Variants in GRIN3A observed in about 807,000 individuals in gnomAD.
GRIN3A encodes the protein glutamate receptor ionotropic, NMDA 3A.
Under a neutral mutation model 92.4 loss-of-function variants are expected in GRIN3A, and 47 were observed. That is an observed-to-expected ratio of 0.51 (90% CI 0.40 to 0.65). The LOEUF (loss-of-function observed/expected upper bound fraction) is 0.65. Among genes scored for constraint, GRIN3A ranks in the 30% least tolerant of loss-of-function variants. GRIN3A has a pLI of 0.00. For synonymous variants in GRIN3A, 527 were observed against 540.6 expected, an observed-to-expected ratio of 0.97 and a Z score of 0.35; for missense variants, 1,324 against 1,393.1, an observed-to-expected ratio of 0.95 and a Z score of 0.79.
intron 6 of GRIN3A, among the ~76,000 whole-genome samples, chr9:101,597,536 T>C (rs1023909950): frequency 6.6e-6 from 1 of 152,196 alleles, no homozygotes; most frequent in Non-Finnish European, 1.5e-5. Flanking sequence ...CACTAGCTCA[T>C]TCATTAGTGC....
At chr9:101,733,285 C>A (rs770218579) in intron 1 of GRIN3A, among the ~76,000 whole-genome samples, 3 of 152,142 alleles carry the variant, frequency 2.0e-5, no homozygotes, top group Non-Finnish European at 4.4e-5. Flanking sequence ...ATAAATGGTG[C>A]CTGCTAGTCT....
At chr9:101,587,329 C>G (rs953820987) in intron 6 of GRIN3A, among the ~76,000 whole-genome samples, 2 of 149,542 alleles carry the variant, frequency 1.3e-5, no homozygotes, top group African/African-American at 4.9e-5. Flanking sequence ...AAAAAAAAAT[C>G]TGTTGCTTGC....
chr9:101,670,914 C>T lies in GRIN3A; in HGVS notation c.1498G>A (p.Ala500Thr), dbSNP rs750665911. The change falls in exon 3 of 9, where the codon GCC becomes ACC. Residue 500 changes from alanine (A) to threonine (T), a missense_variant. Coordinates refer to ENST00000361820, the MANE Select transcript of GRIN3A (RefSeq NM_133445.3). ...VMDYGIWPEQ[A>T]QRHKTHFQHP... ...TGGAAGTGGGTTTTGTGTCTCTGGG[C>T]CTGCTCTGGCCATATTCCATAGTCC... 2 of 1,613,140 alleles carry T rather than the reference C, an allele frequency of 1.2e-6. No homozygotes were observed. The highest frequency in any genetic ancestry group is 1.1e-5 in the South Asian group (1 of 91,044).
At chr9:101,734,853 G>C (rs956781948) in intron 1 of GRIN3A, among the ~76,000 whole-genome samples, 2 of 151,942 alleles carry the variant, frequency 1.3e-5, no homozygotes, top group Non-Finnish European at 2.9e-5. Context: ...TTTATTCAGG[G>C]AGTGGCACAC....
chr9:101,730,002 A>G (rs1830120080), intron 1 of GRIN3A, among the ~76,000 whole-genome samples: 1 of 152,196 alleles, frequency 6.6e-6, no homozygotes, highest in Admixed American at 6.5e-5. Context: ...GAGAAGTTAT[A>G]GCAATAGTTA....
intron 3 of GRIN3A, among the ~76,000 whole-genome samples, chr9:101,667,132 T>C (rs1173743403): frequency 6.6e-6 from 1 of 152,014 alleles, no homozygotes; most frequent in African/African-American, 2.4e-5. Context: ...CTAAATTAGA[T>C]TCCTCATATC....
intron 1 of GRIN3A, among the ~76,000 whole-genome samples, chr9:101,710,962 G>C (rs1188647901): frequency 6.6e-6 from 1 of 152,092 alleles, no homozygotes; most frequent in Admixed American, 6.6e-5. Flanking sequence ...TAATTGAAGA[G>C]ATTAATAACA....
chr9:101,625,851 A>G (rs1199002979), intron 4 of GRIN3A, among the ~76,000 whole-genome samples: 1 of 152,248 alleles, frequency 6.6e-6, no homozygotes, highest in African/African-American at 2.4e-5. Flanking sequence ...ACTTGCCAAT[A>G]TTCCACAAAT....
At chr9:101,677,056 G>T (rs1158806490) in intron 2 of GRIN3A, among the ~76,000 whole-genome samples, 1 of 150,226 alleles carries the variant, frequency 6.7e-6, no homozygotes, top group Non-Finnish European at 1.5e-5. Context: ...TCATTCAAGA[G>T]CCCTAAGCTA....
At chr9:101,649,510 G>A (rs774385251) in intron 3 of GRIN3A, among the ~76,000 whole-genome samples, 28 of 152,054 alleles carry the variant, frequency 1.8e-4, no homozygotes, top group Non-Finnish European at 3.1e-4. Context: ...ATGAATCTAC[G>A]CCTCCAATTC....
intron 1 of GRIN3A, among the ~76,000 whole-genome samples, chr9:101,712,220 C>T (rs993298188): frequency 6.6e-6 from 1 of 152,186 alleles, no homozygotes; most frequent in African/African-American, 2.4e-5. Context: ...AAATTTCACT[C>T]TTCAAATAAC....
chr9:101,621,295 A>C (rs899537329), intron 5 of GRIN3A, among the ~76,000 whole-genome samples: 1 of 151,934 alleles, frequency 6.6e-6, no homozygotes, highest in Non-Finnish European at 1.5e-5. Context: ...AAAAAAAAAA[A>C]AAACAATTTG....
intron 4 of GRIN3A, among the ~76,000 whole-genome samples, chr9:101,627,554 G>A (rs1228266778): frequency 2.0e-5 from 3 of 152,152 alleles, no homozygotes; most frequent in Non-Finnish European, 2.9e-5. Flanking sequence ...CATCGAGCAG[G>A]AGGGAGAGGA....
At chr9:101,585,277 A>G (rs968422623) in intron 6 of GRIN3A, among the ~76,000 whole-genome samples, 8 of 152,026 alleles carry the variant, frequency 5.3e-5, no homozygotes, top group Admixed American at 4.6e-4. Flanking sequence ...TCTTTGTTGT[A>G]CCTTAGTCTC....
At chr9:101,736,138 G>A (rs926072400) in intron 1 of GRIN3A, among the ~76,000 whole-genome samples, 1 of 152,178 alleles carries the variant, frequency 6.6e-6, no homozygotes, top group East Asian at 1.9e-4. Flanking sequence ...CCAGCTGCAA[G>A]AGTTGAGTGA....
In GRIN3A at chr9:101,627,923, T is replaced by A. The variant is rs1203014620; in HGVS notation, c.2498+333A>T. ...CTTTATCCTCTGGCCATATTCCCTGTGTGTTTGACTATTTCAGCACCATTG... is the reference window on the plus strand; with the variant it reads ...CTTTATCCTCTGGCCATATTCCCTGAGTGTTTGACTATTTCAGCACCATTG... On this transcript the variant is annotated intron_variant, in intron 4 of 8. Coordinates refer to ENST00000361820, the MANE Select transcript of GRIN3A (RefSeq NM_133445.3). Among the ~76,000 whole-genome samples the A allele has an allele frequency of 2.6e-5, 4 of 152,320 alleles. No individual in the cohort carries two copies. The East Asian group carries it at 7.7e-4, about 29-fold the overall frequency.
chr9:101,715,340 A>T (rs960586677), intron 1 of GRIN3A, among the ~76,000 whole-genome samples: 2 of 152,182 alleles, frequency 1.3e-5, no homozygotes, highest in African/African-American at 4.8e-5. Context: ...GCCATATTAA[A>T]TGAAATAATC....
chr9:101,690,263 A>G (rs1275678960), intron 1 of GRIN3A, among the ~76,000 whole-genome samples: 2 of 152,196 alleles, frequency 1.3e-5, no homozygotes, highest in East Asian at 1.9e-4. Flanking sequence ...ACACAAAACC[A>G]TATATGTCAA....
intron 7 of GRIN3A, among the ~76,000 whole-genome samples, chr9:101,578,789 G>A (rs1827856773): frequency 6.6e-6 from 1 of 152,160 alleles, no homozygotes; most frequent in African/African-American, 2.4e-5. Flanking sequence ...CAGGGAAAAA[G>A]CAGAGAGAAC....
Sources: gnomAD v4.1 joint callset for allele counts (sites outside exome capture counted in the v4.1 genomes callset) on GRCh38, gnomAD v4.1.1 for gene constraint, MANE v1.5 for transcripts, NCBI Gene and HGNC (gene_info 2026-07-23, HGNC 2026-07-21) for gene names.